Variants in NPTN observed in about 807,000 individuals in gnomAD.
The protein encoded by NPTN is SDR-1.
Under a neutral mutation model 42.7 loss-of-function variants are expected in NPTN, and 5 were observed. The ratio of observed to expected loss-of-function variants is 0.12; its 90% CI spans 0.06 to 0.25. NPTN has a LOEUF of 0.25. NPTN is among the 10% of genes least tolerant of loss of function. The pLI is 1.00. For synonymous variants in NPTN, 180 were observed against 201.9 expected (o/e 0.89, Z 0.92); for missense variants, 307 against 525.4 (o/e 0.58, Z 4.06).
chr15:73,603,918 T>C (rs561079914), intron 1 of NPTN, among the ~76,000 whole-genome samples: 1 of 152,346 alleles, frequency 6.6e-6, no homozygotes, highest in South Asian at 2.1e-4. Flanking sequence ...ATGGGAATGA[T>C]GCCACTTTCT....
intron 1 of NPTN, among the ~76,000 whole-genome samples, chr15:73,603,633 TAAG>T (rs2141421374): frequency 6.6e-6 from 1 of 152,154 alleles, no homozygotes; most frequent in East Asian, 1.9e-4. Flanking sequence ...CCAAGAATAA[TAAG>T]AATAAAGAGA....
chr15:73,604,476 T>G (rs541408165), intron 1 of NPTN, among the ~76,000 whole-genome samples: 1 of 152,156 alleles, frequency 6.6e-6, no homozygotes, highest in South Asian at 2.1e-4. Flanking sequence ...AAAACAAAAA[T>G]TATGGGAATC....
chr15:73,589,157 C>T (rs754967469), intron 3 of NPTN, among the ~76,000 whole-genome samples: 9 of 151,912 alleles, frequency 5.9e-5, no homozygotes, highest in African/African-American at 9.7e-5. Context: ...CATGGCGAAA[C>T]GCTATCTCTA....
rs960168685 is a variant in NPTN, at chr15:73,560,225, A to G, written c.*838T>C. Reference sequence around the variant, plus strand: ...AAAAGTATAACTATAGTTGCATAGAATATTACCATGCTATAACATTTCAAG... The same window carrying G: ...AAAAGTATAACTATAGTTGCATAGAGTATTACCATGCTATAACATTTCAAG... On this transcript the variant is annotated 3_prime_UTR_variant, in exon 9 of 9. Transcript: ENST00000345330. 4.9e-6 allele frequency: 1 copy of G among 204,868 alleles called. No individual in the cohort carries two copies. 12.7% of individuals were successfully genotyped at this position (204,868 alleles called of 1,614,324 possible).
chr15:73,593,297 G>A (rs890804992), intron 2 of NPTN, among the ~76,000 whole-genome samples: 2 of 152,130 alleles, frequency 1.3e-5, no homozygotes, highest in Non-Finnish European at 2.9e-5. Context: ...AATGTGCTTT[G>A]TCTTTATTAT....
chr15:73,605,451 G>A (rs1322708701), intron 1 of NPTN, among the ~76,000 whole-genome samples: 3 of 152,002 alleles, frequency 2.0e-5, no homozygotes, highest in African/African-American at 4.8e-5. Context: ...AATGTAGGTC[G>A]GGTGCGGTGG....
chr15:73,570,497 C>G lies in NPTN; in HGVS notation c.841-74G>C. ...ATGTTCAAGAGAGGGTGACACTGCT[C>G]TCCGTTCTTTTTAGGCACCAGCCAG... On this transcript the variant is annotated intron_variant, in intron 5 of 8. Transcript: ENST00000345330. This position sits in a 1 kb window ranked among gnomAD's most constrained non-coding sequence, Gnocchi z 4.0. 1 of 1,414,326 alleles carries G rather than the reference C, an allele frequency of 7.1e-7. No individual in the cohort carries two copies. The highest frequency in any genetic ancestry group is 9.7e-7 in the Non-Finnish European group (1 of 1,026,496). 87.6% of individuals were successfully genotyped at this position (1,414,326 alleles called of 1,614,324 possible).
At chr15:73,606,916 G>T (rs181359883) in intron 1 of NPTN, among the ~76,000 whole-genome samples, 1 of 152,288 alleles carries the variant, frequency 6.6e-6, no homozygotes, top group Admixed American at 6.5e-5. Context: ...AGTTTAGCAA[G>T]AACCCCCATC....
At position 73,597,181 on chromosome 15, in the gene NPTN, C is replaced by T; in HGVS notation, c.280G>A (p.Gly94Arg). The change falls in exon 2 of 9, where the codon GGG becomes AGG. Residue 94 changes from glycine (G) to arginine (R), a missense_variant. By Grantham distance (125) the Gly-to-Arg change is moderately radical. Transcript: ENST00000345330. The surrounding 1 kb of genome is among the most constrained non-coding windows in gnomAD (Gnocchi z 6.3). Reference sequence around the variant, plus strand: ...CTCAGCACACTCACGCCGTTTGACCCGTAGGCGGTGTTTACGGTGACACGG... The same window carrying T: ...CTCAGCACACTCACGCCGTTTGACCTGTAGGCGGTGTTTACGGTGACACGG... ...KRRVTVNTAY[G>R]SNGVSVLRIT... is the part of the protein sequence containing the mutation. The T allele has an allele frequency of 2.5e-6, 4 of 1,614,150 alleles. No individual in the cohort carries two copies. Among genetic ancestry groups the T allele is most frequent in the Non-Finnish European group, 2.5e-6 (3 of 1,180,028 alleles).
At chr15:73,574,842 G>T (rs772376593) in intron 4 of NPTN, among the ~76,000 whole-genome samples, 1 of 152,186 alleles carries the variant, frequency 6.6e-6, no homozygotes, top group Non-Finnish European at 1.5e-5. Context: ...TATTTATAGG[G>T]ATCACTTAGG....
At chr15:73,571,778 G>A (rs1029307870) in intron 5 of NPTN, among the ~76,000 whole-genome samples, 7 of 152,224 alleles carry the variant, frequency 4.6e-5, no homozygotes, top group African/African-American at 1.4e-4. Context: ...AGAAAAAGGG[G>A]AATATTATCC....
chr15:73,618,450 T>G (rs994911513), intron 1 of NPTN, among the ~76,000 whole-genome samples: 2 of 152,190 alleles, frequency 1.3e-5, no homozygotes, highest in African/African-American at 4.8e-5. Context: ...TAAAAAGGAT[T>G]AAAATAGAAT....
At chr15:73,602,892 T>A (rs1437124769) in intron 1 of NPTN, among the ~76,000 whole-genome samples, 1 of 152,238 alleles carries the variant, frequency 6.6e-6, no homozygotes, top group Non-Finnish European at 1.5e-5. Flanking sequence ...TCCCTATCAC[T>A]AGCTTCTAAA....
intron 1 of NPTN, among the ~76,000 whole-genome samples, chr15:73,604,354 G>A (rs141709621): frequency 6.6e-6 from 1 of 152,236 alleles, no homozygotes; most frequent in Admixed American, 6.5e-5. Context: ...TACTCAGGAG[G>A]CTGAGGCAGG....
intron 4 of NPTN, among the ~76,000 whole-genome samples, chr15:73,578,196 G>A (rs1566964211): frequency 6.6e-6 from 1 of 152,126 alleles, no homozygotes; most frequent in Non-Finnish European, 1.5e-5. Flanking sequence ...GACTTTGGCA[G>A]TTACAGTGAG....
chr15:73,609,116 T>C (rs539544542), intron 1 of NPTN, among the ~76,000 whole-genome samples: 117 of 152,342 alleles, frequency 7.7e-4, no homozygotes, highest in African/African-American at 2.7e-3. Flanking sequence ...CTGAATGCAA[T>C]GCACTTTCAC....
chr15:73,583,137 AG>A (rs2141382507), intron 4 of NPTN, among the ~76,000 whole-genome samples: 1 of 152,374 alleles, frequency 6.6e-6, no homozygotes, highest in South Asian at 2.1e-4. Context: ...GGAACCTTAA[AG>A]ATGAGCTATC....
At chr15:73,618,884 T>A (rs774101531) in intron 1 of NPTN, among the ~76,000 whole-genome samples, 2 of 151,378 alleles carry the variant, frequency 1.3e-5, no homozygotes, top group African/African-American at 2.4e-5. Context: ...TGAGACACCA[T>A]CTCTACAAAA....
At chr15:73,582,243 CA>C (rs1896086240) in intron 4 of NPTN, among the ~76,000 whole-genome samples, 1 of 152,218 alleles carries the variant, frequency 6.6e-6, no homozygotes, top group South Asian at 2.1e-4. Flanking sequence ...CAAGTAAACA[CA>C]GAGATTCTGC....
Sources: allele counts gnomAD v4.1 joint callset (sites outside exome capture counted in the v4.1 genomes callset), GRCh38; gene constraint gnomAD v4.1.1; non-coding constraint Gnocchi (gnomAD v3.1); transcripts MANE v1.5; gene names NCBI Gene and HGNC (gene_info 2026-07-23, HGNC 2026-07-21).